TMEM138: variants seen among roughly 807,000 people sequenced by gnomAD.
The protein encoded by TMEM138 is transmembrane protein 138.
Under a neutral mutation model 18.1 loss-of-function variants are expected in TMEM138, and 9 were observed. That is an observed-to-expected ratio of 0.50 (90% confidence interval 0.30 to 0.87). The LOEUF (loss-of-function observed/expected upper bound fraction) is 0.87. Among genes scored for constraint, TMEM138 ranks in the 40% least tolerant of loss-of-function variants. The probability of loss-of-function intolerance (pLI) is 0.06; values close to 1 mark genes in which losing one functional copy is unlikely to be tolerated. For missense variants in TMEM138, 189 were observed against 190.6 expected, an observed-to-expected ratio of 0.99 and a Z score of 0.05; for synonymous variants, 79 against 74.8, an observed-to-expected ratio of 1.06 and a Z score of -0.29.
chr11:61,374,370 C>T (rs1029326148), downstream of TMEM138, among the ~76,000 whole-genome samples: 4 of 151,872 alleles, frequency 2.6e-5, no homozygotes, highest in South Asian at 2.1e-4. Context: ...AGGCTGGTCT[C>T]AAACTCCTGA....
chr11:61,368,275 A>T (rs1163431333), intron 4 of TMEM138: 1 of 560,700 alleles, frequency 1.8e-6, no homozygotes, highest in East Asian at 3.4e-5. Context: ...CCCAGGCTGG[A>T]GTGCTGTGGC....
rs375639063 is a variant in TMEM138, at chr11:61,368,024, T to G, written c.376+26T>G. 1.7e-5 allele frequency: 25 copies of G among 1,478,190 alleles called. No homozygotes were observed. The African/African-American group carries it at 3.5e-4, about 20-fold the overall frequency. 91.6% of individuals were successfully genotyped at this position (1,478,190 alleles called of 1,614,324 possible). A position where few individuals can be genotyped will look rare whatever the true frequency, so the allele number is the denominator to read the frequency against. ...GTAAGGACCAGAGCAAGGTCAGGCC[T>G]CTCTCAGGTCCCACATGTGTCTCTT... On this transcript the variant is annotated intron_variant, in intron 4 of 4. Coordinates refer to ENST00000278826, the MANE Select transcript of TMEM138 (RefSeq NM_016464.5).
chr11:61,373,091 A>C (rs1858385645), downstream of TMEM138, among the ~76,000 whole-genome samples: 1 of 152,224 alleles, frequency 6.6e-6, no homozygotes, highest in Non-Finnish European at 1.5e-5. Context: ...GCTAAATGTT[A>C]AACACTGACG....
chr11:61,364,889 C>CA (rs1292472815), intron 2 of TMEM138: 11,334 of 105,732 alleles, frequency 0.11, 745 homozygotes, highest in African/African-American at 0.21. Context: ...GACCCTATCT[C>CA]AAAAAAAAAA....
downstream of TMEM138, among the ~76,000 whole-genome samples, chr11:61,374,990 G>A (rs1224499685): frequency 1.3e-5 from 2 of 151,952 alleles, no homozygotes; most frequent in African/African-American, 4.8e-5. Context: ...ACTCTAATAG[G>A]TGCCCCTGAA....
intron 1 of TMEM138, 100 bp downstream of exon 1, chr11:61,362,520 AG>A (rs2135145581): frequency 6.6e-6 from 1 of 152,402 alleles, no homozygotes; most frequent in South Asian, 2.1e-4. Flanking sequence ...TTGTTTGCCA[AG>A]GAAGCCTCGT....
At chr11:61,376,306 G>A (rs537945326), downstream of TMEM138, among the ~76,000 whole-genome samples, 23 of 151,840 alleles carry the variant, frequency 1.5e-4, no homozygotes, top group Admixed American at 2.0e-4. Flanking sequence ...CTGAGATCAC[G>A]CCACTGCACT....
chr11:61,366,087 C>T lies in TMEM138; in HGVS notation c.171C>T (p.Phe57=). The part of the protein sequence containing the change: ...IAVLFNIIII[F]LMFFNTFVFQ... The stretch of plus-strand genomic sequence containing the variant: ...TCCTCTTCAACATCATCATCATTTT[C>T]CTCATGTTCTTCAACACCTTCGTCT... Residue 57 remains phenylalanine (F), a synonymous_variant, in exon 3 of 5, where the codon TTC becomes TTT. Coordinates refer to ENST00000278826, the MANE Select transcript of TMEM138 (RefSeq NM_016464.5). 3 of 1,614,044 alleles carry T rather than the reference C, an allele frequency of 1.9e-6. No individual in the cohort carries two copies. Among genetic ancestry groups the T allele is most frequent in the Middle Eastern group, 1.7e-4 (1 of 6,058 alleles).
downstream of TMEM138, among the ~76,000 whole-genome samples, chr11:61,370,302 A>T (rs1262245969): frequency 6.6e-6 from 1 of 152,238 alleles, no homozygotes; most frequent in Non-Finnish European, 1.5e-5. Flanking sequence ...GAGGAGGGAC[A>T]GTCCACACAC....
chr11:61,374,865 G>A (rs1487918790), downstream of TMEM138, among the ~76,000 whole-genome samples: 2 of 152,186 alleles, frequency 1.3e-5, no homozygotes, highest in East Asian at 3.8e-4. Flanking sequence ...GCTGAGGCAG[G>A]AGAATTGCTT....
Position 61,364,456 on chromosome 11 carries a change from CTT to C in TMEM138, c.68_69del (p.Phe23CysfsTer54), listed in dbSNP as rs757047585. On this transcript the variant is annotated frameshift_variant, in exon 2 of 5. Transcript: ENST00000278826. LOFTEE classifies it high-confidence loss of function. ...AGTTCCTGCTGCTGTCCTATGACCT[CTT>C]TGTCAATTCCTTCTCAGAACTGCTC... is the stretch of plus-strand genomic sequence containing the variant. ...LQFLLLSYDL[F>X]VNSFSELLQK... 2 of 1,614,230 alleles carry C rather than the reference CTT, an allele frequency of 1.2e-6. No individual in the cohort carries two copies. The highest frequency in any genetic ancestry group is 2.2e-5 in the East Asian group (1 of 44,890).
At position 61,368,373 on chromosome 11, in the gene TMEM138, C is replaced by T. The variant is rs1190355918; in HGVS notation, c.377-224C>T. 7.8e-6 allele frequency: 4 copies of T among 514,614 alleles called. No individual in the cohort carries two copies. The highest frequency in any genetic ancestry group is 1.4e-5 in the Non-Finnish European group (4 of 282,876). 31.9% of individuals were successfully genotyped at this position (514,614 alleles called of 1,614,324 possible). ...CCGGAGTAGCTGGGACTACAGGCGCCCGCCACCACGCCCAGCTAATTTTTT... is the reference window on the plus strand; with the variant it reads ...CCGGAGTAGCTGGGACTACAGGCGCTCGCCACCACGCCCAGCTAATTTTTT... On this transcript the variant is annotated intron_variant, in intron 4 of 4. Coordinates refer to ENST00000278826, the MANE Select transcript of TMEM138 (RefSeq NM_016464.5).
chr11:61,367,943 C>T lies in TMEM138; in HGVS notation c.321C>T (p.Ser107=). The change falls in exon 4 of 5, where the codon TCC becomes TCT. Residue 107 remains serine, a synonymous_variant. Coordinates refer to ENST00000278826, the MANE Select transcript of TMEM138 (RefSeq NM_016464.5). ...TTCAGAACTTACGCTGGAAAAACTC[C>T]AACAGCTTCATATGGACAGATGGAC... ...VWVMNLRWKN[S]NSFIWTDGLQ... is the part of the protein sequence containing the mutation. 1 of 1,613,300 alleles carries T rather than the reference C, an allele frequency of 6.2e-7. No homozygotes were observed. The highest frequency in any genetic ancestry group is 1.7e-5 in the Admixed American group (1 of 60,018).
rs972654001 is a variant in TMEM138, at chr11:61,368,889, C to T, written c.*180C>T. The T allele has an allele frequency of 1.6e-5, 10 of 606,730 alleles. No homozygotes were observed. Among genetic ancestry groups the T allele is most frequent in the South Asian group, 1.3e-4 (7 of 53,220 alleles). The allele number at this position is 606,730 out of a possible 1,614,324, so 37.6% of individuals were successfully genotyped here. A position where few individuals can be genotyped will look rare whatever the true frequency, so the allele number is the denominator to read the frequency against. ...TCTTGCACAATTAGAGTGTCCCCAT[C>T]GGTCTCCAGTGCGGCATCCCTTCCT... On this transcript the variant is annotated 3_prime_UTR_variant, in exon 5 of 5. Coordinates refer to ENST00000278826, the MANE Select transcript of TMEM138 (RefSeq NM_016464.5).
chr11:61,367,436 A>T (rs1858192945), intron 3 of TMEM138: 1 of 153,140 alleles, frequency 6.5e-6, no homozygotes, highest in Non-Finnish European at 1.5e-5. Context: ...AGAAAGAAGT[A>T]GAGGTCCCAG....
In TMEM138 at chr11:61,366,061, G is replaced by C; in HGVS notation, c.145G>C (p.Val49Leu). 1 of 1,613,620 alleles carries C rather than the reference G, an allele frequency of 6.2e-7. No homozygotes were observed. The highest frequency in any genetic ancestry group is 8.5e-7 in the Non-Finnish European group (1 of 1,179,822). Reference sequence around the variant, plus strand: ...TGTCTACAGCATCCAGGATATTGCAGTCCTCTTCAACATCATCATCATTTT... The same window carrying C: ...TGTCTACAGCATCCAGGATATTGCACTCCTCTTCAACATCATCATCATTTT... ...LVLFIIQDIA[V>L]LFNIIIIFLM... Residue 49 changes from valine (V) to leucine (L), a missense_variant, in exon 3 of 5, where the codon GTC becomes CTC. Transcript: ENST00000278826.
At chr11:61,363,727 T>G (rs1432695860) in intron 1 of TMEM138, 2 of 152,250 alleles carry the variant, frequency 1.3e-5, no homozygotes, top group Non-Finnish European at 2.9e-5. Flanking sequence ...AGAGACAGCT[T>G]AGTCCAGTAG....
At position 61,368,969 on chromosome 11, in the gene TMEM138, T is replaced by G; in HGVS notation, c.*260T>G. 2.4e-6 allele frequency: 1 copy of G among 421,400 alleles called. No homozygotes were observed. Among genetic ancestry groups the G allele is most frequent in the South Asian group, 2.8e-5 (1 of 35,964 alleles). The allele number at this position is 421,400 out of a possible 1,614,324, so 26.1% of individuals were successfully genotyped here. A position where few individuals can be genotyped will look rare whatever the true frequency, so the allele number is the denominator to read the frequency against. ...CTTCCTTTCCTCTCTGTACCATTCATTCTCCCTGACCGGCCTTTCTTGCCG... is the reference window on the plus strand; with the variant it reads ...CTTCCTTTCCTCTCTGTACCATTCAGTCTCCCTGACCGGCCTTTCTTGCCG... On this transcript the variant is annotated 3_prime_UTR_variant, in exon 5 of 5. Transcript: ENST00000278826.
intron 2 of TMEM138, chr11:61,364,889 CAAAA>C (rs1292472815): frequency 2.8e-5 from 3 of 105,858 alleles, no homozygotes; most frequent in African/African-American, 3.5e-5. Flanking sequence ...GACCCTATCT[CAAAA>C]AAAAAAAAAA....
Sources: allele counts gnomAD v4.1 joint callset (sites outside exome capture counted in the v4.1 genomes callset), GRCh38; gene constraint gnomAD v4.1.1; transcripts MANE v1.5; gene names NCBI Gene and HGNC (gene_info 2026-07-23, HGNC 2026-07-21).